The following MRPS25 variants were observed in gnomAD, a reference collection of about 807,000 sequenced individuals.
MRPS25 encodes mitochondrial ribosomal protein S25.
In MRPS25, 15 loss-of-function variants were observed where a neutral mutation model predicts 17.3. The ratio of observed to expected loss-of-function variants is 0.87; its 90% CI spans 0.58 to 1.34. MRPS25 has a LOEUF of 1.34. Ranked by LOEUF, MRPS25 falls within the 40% of genes most tolerant of loss-of-function variation. MRPS25 has a pLI of 0.00. For synonymous variants in MRPS25, 94 were observed against 83.3 expected (o/e 1.13, Z -0.70); for missense variants, 225 against 218.6 (o/e 1.03, Z -0.19).
Position 15,051,506 on chromosome 3 carries a change from A to T in MRPS25, c.*935T>A, listed in dbSNP as rs1270967558. 1 of 985,216 alleles carries T rather than the reference A, an allele frequency of 1.0e-6. No individual in the cohort carries two copies. The highest frequency in any genetic ancestry group is 1.7e-5 in the African/African-American group (1 of 57,216). 61.0% of individuals were successfully genotyped at this position (985,216 alleles called of 1,614,324 possible). On this transcript the variant is annotated 3_prime_UTR_variant, in exon 4 of 4. Transcript: ENST00000253686. The stretch of plus-strand genomic sequence containing the variant: ...CCTAGCTAAACCTATTCTTAAGGTG[A>T]CCCTAGAAGGCTCTGCTGTCTTCTG...
chr3:15,051,060 G>A lies in MRPS25; in HGVS notation c.*1381C>T, dbSNP rs1264457867. ...GAAAACTTCAGTCCTGCTCTGTCAA[G>A]CACCACTGTCCTTTTTTAATTCTTT... On this transcript the variant is annotated 3_prime_UTR_variant, in exon 4 of 4. Coordinates refer to ENST00000253686, the MANE Select transcript of MRPS25 (RefSeq NM_022497.5). 2.0e-6 allele frequency: 2 copies of A among 984,032 alleles called. No individual in the cohort carries two copies. The highest frequency in any genetic ancestry group is 2.4e-6 in the Non-Finnish European group (2 of 828,810). The allele number at this position is 984,032 out of a possible 1,614,324, so 61.0% of individuals were successfully genotyped here. A position where few individuals can be genotyped will look rare whatever the true frequency, so the allele number is the denominator to read the frequency against.
intron 2 of MRPS25, among the ~76,000 whole-genome samples, chr3:15,055,940 G>A (rs1191317246): frequency 4.0e-5 from 6 of 150,924 alleles, no homozygotes; most frequent in African/African-American, 1.5e-4. Flanking sequence ...CAGGCCGGAC[G>A]CAGTGGCTCA....
At chr3:15,043,104 CAT>C, downstream of MRPS25, 2 of 1,178,538 alleles carry the variant, frequency 1.7e-6, no homozygotes, top group Non-Finnish European at 2.3e-6. Context: ...CAAATATTTC[CAT>C]ATGTTAGCCA....
rs1257163921 is a variant in MRPS25 at position 15,053,541 on chromosome 3, G to A, written c.242-74C>T. ...CTCAGCCTCAAAAAGTTGTAATTTG[G>A]GACTTGCTTTTAGTGGCAGAAACAT... On this transcript the variant is annotated intron_variant, in intron 2 of 3. Transcript: ENST00000253686. The A allele has an allele frequency of 1.9e-6, 3 of 1,569,176 alleles. No individual in the cohort carries two copies. The Admixed American group carries it at 5.1e-5, about 27-fold the overall frequency.
chr3:15,053,666 G>A (rs1271062552), intron 2 of MRPS25, 199 bp from the exon 3 acceptor site: 2 of 640,438 alleles, frequency 3.1e-6, no homozygotes, highest in East Asian at 2.9e-5. Context: ...CTTTAGATAT[G>A]TAAAAAAACA....
Position 15,051,494 on chromosome 3 carries a change from A to G in MRPS25, c.*947T>C. 1 of 985,332 alleles carries G rather than the reference A, an allele frequency of 1.0e-6. No homozygotes were observed. 61.0% of individuals were successfully genotyped at this position (985,332 alleles called of 1,614,324 possible). On this transcript the variant is annotated 3_prime_UTR_variant, in exon 4 of 4. Transcript: ENST00000253686. ...CACCACACCCAGCCTAGCTAAACCT[A>G]TTCTTAAGGTGACCCTAGAAGGCTC...
intron 1 of MRPS25, 141 bp downstream of exon 1, chr3:15,064,920 A>T (rs1456721337): frequency 9.3e-7 from 1 of 1,077,058 alleles, no homozygotes; most frequent in Non-Finnish European, 1.3e-6. Flanking sequence ...GGACCTCTGT[A>T]AAATGGGGGT....
intron 2 of MRPS25, among the ~76,000 whole-genome samples, chr3:15,058,347 G>A (rs542734071): frequency 3.3e-5 from 5 of 152,102 alleles, no homozygotes; most frequent in Non-Finnish European, 4.4e-5. Context: ...CCACCACCAC[G>A]CCCGGCTAAT....
intron 1 of MRPS25, among the ~76,000 whole-genome samples, chr3:15,060,428 G>A (rs2042735903): frequency 6.6e-6 from 1 of 150,728 alleles, no homozygotes; most frequent in Non-Finnish European, 1.5e-5. Flanking sequence ...CAAGAGGATC[G>A]CTTAAGCCCG....
Position 15,050,014 on chromosome 3 carries a change from C to T in MRPS25, c.*2427G>A, listed in dbSNP as rs988155059. 47 of 1,465,668 alleles carry T rather than the reference C, an allele frequency of 3.2e-5. No homozygotes were observed. The highest frequency in any genetic ancestry group is 3.1e-5 in the Admixed American group (1 of 32,498). The allele number at this position is 1,465,668 out of a possible 1,614,324, so 90.8% of individuals were successfully genotyped here. On this transcript the variant is annotated 3_prime_UTR_variant, in exon 4 of 4. Transcript: ENST00000253686. ...GCAAGTAAAATTAAGAACATGTTAT[C>T]AATTATAAAATCCTCACATTTTCTC...
rs750388546 is a variant in MRPS25 at position 15,065,088 on chromosome 3, G to T, written c.107C>A (p.Thr36Lys). 4.4e-6 allele frequency: 7 copies of T among 1,605,180 alleles called. No homozygotes were observed. The highest frequency in any genetic ancestry group is 5.9e-6 in the Non-Finnish European group (7 of 1,176,582). ...GGCGCCCTCGCCCAGCTCCCCATGCGTGTTGTAATTCACTGTCATGACCTT... is the reference window on the plus strand; with the variant it reads ...GGCGCCCTCGCCCAGCTCCCCATGCTTGTTGTAATTCACTGTCATGACCTT... ...SVKVMTVNYN[T>K]HGELGEGARK... The change falls in exon 1 of 4, where the codon ACG becomes AAG. Residue 36 changes from threonine (T) to lysine (K), a missense_variant. Transcript: ENST00000253686.
At chr3:15,043,184 T>G, downstream of MRPS25, 3 of 441,180 alleles carry the variant, frequency 6.8e-6, no homozygotes, top group Admixed American at 4.4e-5. Context: ...GTAGGATCCT[T>G]TCCTGACATA....
In MRPS25 at chr3:15,053,332, C is replaced by A. The variant is rs117474161; in HGVS notation, c.329+48G>T. On this transcript the variant is annotated intron_variant, in intron 3 of 3. Transcript: ENST00000253686. ...CACACACCCCTTTCTTCCTCAAATT[C>A]TCTGGGCTGAGAAGTTTGTTCCTTC... is the stretch of plus-strand genomic sequence containing the variant. The A allele has an allele frequency of 1.4e-4, 226 of 1,613,502 alleles. 1 individual carries two copies. In the East Asian group the frequency reaches 4.5e-3, roughly 32 times the overall value.
Position 15,052,218 on chromosome 3 carries a change from A to G in MRPS25, c.*223T>C. On this transcript the variant is annotated 3_prime_UTR_variant, in exon 4 of 4. Coordinates refer to ENST00000253686, the MANE Select transcript of MRPS25 (RefSeq NM_022497.5). ...AGATACACGCCAAGCTGCTATTAGG[A>G]AGCGTTTTATTGACCAGCAGAGCAG... 1.6e-6 allele frequency: 2 copies of G among 1,276,426 alleles called. No homozygotes were observed. Among genetic ancestry groups the G allele is most frequent in the East Asian group, 6.0e-5 (2 of 33,098 alleles). The allele number at this position is 1,276,426 out of a possible 1,614,324, so 79.1% of individuals were successfully genotyped here.
Position 15,052,578 on chromosome 3 carries a change from AG to A in MRPS25, c.384del (p.Phe129SerfsTer31). On this transcript the variant is annotated frameshift_variant, in exon 4 of 4. Transcript: ENST00000253686. LOFTEE classifies it high-confidence loss of function. ...EEKKQLSHPA[N>X]FGPRKYCLRE... ...CGCAGGCAGTACTTTCGAGGGCCGA[AG>A]TTGGCTGGGTGAGAAAGCTGCTTTT... The A allele has an allele frequency of 6.2e-7, 1 of 1,614,198 alleles. No individual in the cohort carries two copies. The highest frequency in any genetic ancestry group is 8.5e-7 in the Non-Finnish European group (1 of 1,180,030).
intron 2 of MRPS25, among the ~76,000 whole-genome samples, chr3:15,057,017 C>T (rs761594185): frequency 8.5e-5 from 13 of 152,206 alleles, no homozygotes; most frequent in African/African-American, 1.4e-4. Flanking sequence ...TAGAGACCTG[C>T]GCAGCCTACA....
rs1288500186 is a variant in MRPS25, at chr3:15,051,289, TC to T, written c.*1151del. On this transcript the variant is annotated 3_prime_UTR_variant, in exon 4 of 4. Transcript: ENST00000253686. ...CAGCCTTGATCTCGCAGGCTCGAGATCCTCCCACCTCAGCTTCCCAAATAGC... is the reference window on the plus strand; with the variant it reads ...CAGCCTTGATCTCGCAGGCTCGAGATCTCCCACCTCAGCTTCCCAAATAGC... 3 of 695,638 alleles carry T rather than the reference TC, an allele frequency of 4.3e-6. No individual in the cohort carries two copies. The highest frequency in any genetic ancestry group is 5.3e-6 in the Non-Finnish European group (3 of 565,424). The allele number at this position is 695,638 out of a possible 1,614,324, so 43.1% of individuals were successfully genotyped here. A position where few individuals can be genotyped will look rare whatever the true frequency, so the allele number is the denominator to read the frequency against.
At chr3:15,060,472 T>C (rs886750481) in intron 1 of MRPS25, among the ~76,000 whole-genome samples, 5 of 149,208 alleles carry the variant, frequency 3.4e-5, no homozygotes, top group Admixed American at 6.7e-5. Flanking sequence ...AGAGCTGTGA[T>C]TGCACCACAT....
Position 15,062,541 on chromosome 3 carries a change from C to G in MRPS25, c.134+2520G>C, listed in dbSNP as rs1336006253. Among the ~76,000 whole-genome samples, 28 of 151,838 alleles carry G rather than the reference C, an allele frequency of 1.8e-4. 1 individual carries two copies. Among genetic ancestry groups the G allele is most frequent in the Non-Finnish European group, 4.4e-5 (3 of 67,938 alleles). On this transcript the variant is annotated intron_variant, in intron 1 of 3. Transcript: ENST00000253686. ...TACTGGGAAGTGAGGAGCCCCTCTG[C>G]CCGGCCACCACCCCATCTGGGAGGT...
Sources: allele counts gnomAD v4.1 joint callset (sites outside exome capture counted in the v4.1 genomes callset), GRCh38; gene constraint gnomAD v4.1.1; transcripts MANE v1.5; gene names NCBI Gene and HGNC (gene_info 2026-07-23, HGNC 2026-07-21).